The following PLEKHA8 variants were observed in gnomAD, a reference collection of about 807,000 sequenced individuals.
The protein encoded by PLEKHA8 is pleckstrin homology domain-containing family A member 8.
In PLEKHA8, 36 loss-of-function variants were observed where a neutral mutation model predicts 68.2. The observed-to-expected ratio is 0.53, with a 90% CI of 0.40 to 0.70. The LOEUF is 0.70. Ranked by LOEUF, PLEKHA8 falls within the 30% of genes least tolerant of loss-of-function variation. The pLI is 0.00. For missense variants in PLEKHA8, 505 were observed against 615.4 expected, an observed-to-expected ratio of 0.82 and a Z score of 1.90; for synonymous variants, 211 against 216.1, an observed-to-expected ratio of 0.98 and a Z score of 0.20.
chr7:30,112,057 C>T (rs1046069849), intron 13 of PLEKHA8, among the ~76,000 whole-genome samples: 3 of 151,814 alleles, frequency 2.0e-5, no homozygotes, highest in African/African-American at 4.8e-5. Context: ...CAACAGAGGC[C>T]AGAACACAGT....
intron 13 of PLEKHA8, among the ~76,000 whole-genome samples, chr7:30,103,807 G>C (rs1001262357): frequency 5.9e-5 from 9 of 152,148 alleles, no homozygotes; most frequent in Non-Finnish European, 1.3e-4. Flanking sequence ...GAAAATTTCG[G>C]ATAAAGCTCC....
intron 10 of PLEKHA8, 125 bp from the exon 11 acceptor site, chr7:30,061,772 G>A: frequency 2.1e-6 from 2 of 973,108 alleles, no homozygotes; most frequent in Admixed American, 2.5e-5. Flanking sequence ...AAGGAAGAAG[G>A]TAATAGGAGC....
intron 5 of PLEKHA8, 112 bp from the exon 6 acceptor site, chr7:30,050,322 G>GTGT: frequency 5.1e-6 from 7 of 1,366,888 alleles, no homozygotes; most frequent in Non-Finnish European, 5.8e-6. Context: ...AGTGGGGCTA[G>GTGT]TGTATTTTAT....
intron 12 of PLEKHA8, among the ~76,000 whole-genome samples, chr7:30,066,033 A>G (rs1793825756): frequency 6.6e-6 from 1 of 152,246 alleles, no homozygotes; most frequent in Admixed American, 6.5e-5. Flanking sequence ...AGACCTAGTC[A>G]TCTAGACTTA....
chr7:30,083,212 A>G lies in PLEKHA8; in HGVS notation c.*4425A>G, dbSNP rs1795031391. ...CTACACAAACTTCATTATGTATGGT[A>G]AATTTGTATTCTTATGGATTGTATA... On this transcript the variant is annotated 3_prime_UTR_variant, in exon 14 of 14. Coordinates refer to ENST00000449726, the MANE Select transcript of PLEKHA8 (RefSeq NM_001197026.2). The G allele has an allele frequency of 1.0e-6, 1 of 983,642 alleles. No individual in the cohort carries two copies. The highest frequency in any genetic ancestry group is 1.2e-6 in the Non-Finnish European group (1 of 828,434). The allele number at this position is 983,642 out of a possible 1,614,324, so 60.9% of individuals were successfully genotyped here. A position where few individuals can be genotyped will look rare whatever the true frequency, so the allele number is the denominator to read the frequency against.
At chr7:30,052,901 T>TTTA in intron 7 of PLEKHA8, 35 bp downstream of exon 7, 5 of 1,520,634 alleles carry the variant, frequency 3.3e-6, no homozygotes, top group Non-Finnish European at 4.4e-6. Context: ...ACAAACCAAT[T>TTTA]TTAGATGATA....
chr7:30,066,690 G>A (rs1052426302), intron 12 of PLEKHA8, among the ~76,000 whole-genome samples: 1 of 152,152 alleles, frequency 6.6e-6, no homozygotes, highest in African/African-American at 2.4e-5. Flanking sequence ...AGTTGCTCTG[G>A]CATTTCATGC....
In PLEKHA8 at chr7:30,030,296, T is replaced by C. The variant is rs370455803; in HGVS notation, c.40+1494T>C. Among the ~76,000 whole-genome samples, 25 of 152,350 alleles carry C rather than the reference T, an allele frequency of 1.6e-4. No individual in the cohort carries two copies. The East Asian group carries it at 4.6e-3, about 28-fold the overall frequency. On this transcript the variant is annotated intron_variant, in intron 1 of 13. Transcript: ENST00000449726. ...CCATCCCCAACTTTTTTTGTTGTTT[T>C]GTGGGGTTTTTTCCCCCTCTTTTCC...
chr7:30,116,011 T>C (rs981077889), intron 13 of PLEKHA8: 17 of 145,856 alleles, frequency 1.2e-4, no homozygotes, highest in East Asian at 6.1e-4. Flanking sequence ...TACGCATACA[T>C]ACGCATACAT....
Position 30,109,689 on chromosome 7 carries a change from A to T in PLEKHA8, c.1363-19577A>T, listed in dbSNP as rs547155751. On this transcript the variant is annotated intron_variant, in intron 13 of 13. Transcript: ENST00000396257. ...TTTCTTTTTCTTTTTTTTTTTTTTT[A>T]AAGACAGAGTCTCACTTTGTCACCC... Among the ~76,000 whole-genome samples, 86 of 132,714 alleles carry T rather than the reference A, an allele frequency of 6.5e-4. 3 individuals carry two copies. In the South Asian group the frequency reaches 0.013, roughly 20 times the overall value. The allele number at this position is 132,714 out of a possible 152,430, so 87.1% of individuals were successfully genotyped here. A position where few individuals can be genotyped will look rare whatever the true frequency, so the allele number is the denominator to read the frequency against.
rs546039433 is a variant in PLEKHA8 at position 30,103,121 on chromosome 7, A to G, written c.1363-26145A>G. Among the ~76,000 whole-genome samples, 5 of 152,322 alleles carry G rather than the reference A, an allele frequency of 3.3e-5. No individual in the cohort carries two copies. In the South Asian group the frequency reaches 1.0e-3, roughly 32 times the overall value. On this transcript the variant is annotated intron_variant, in intron 13 of 13. Coordinates refer to the PLEKHA8 transcript ENST00000396257. ...TTACCAGGTGCTGGAGGGAGGAAGAATGGGGAATTATCGTATAATGTTTAC... is the reference window on the plus strand; with the variant it reads ...TTACCAGGTGCTGGAGGGAGGAAGAGTGGGGAATTATCGTATAATGTTTAC...
chr7:30,113,073 C>G (rs1796322804), intron 13 of PLEKHA8, among the ~76,000 whole-genome samples: 1 of 152,068 alleles, frequency 6.6e-6, no homozygotes, highest in African/African-American at 2.4e-5. Flanking sequence ...CCTTATGTCC[C>G]TCAAATTCAT....
rs1795057856 is a variant in PLEKHA8, at chr7:30,083,770, G to A, written c.*4983G>A. ...TGTGAGAATGTAAGAATAATATCCT[G>A]CTTGTTCTAAATAGTTCATATATTT... is the stretch of plus-strand genomic sequence containing the variant. On this transcript the variant is annotated 3_prime_UTR_variant, in exon 14 of 14. Transcript: ENST00000449726. 1 of 984,982 alleles carries A rather than the reference G, an allele frequency of 1.0e-6. No individual in the cohort carries two copies. Among genetic ancestry groups the A allele is most frequent in the Admixed American group, 6.1e-5 (1 of 16,266 alleles). 61.0% of individuals were successfully genotyped at this position (984,982 alleles called of 1,614,324 possible).
At chr7:30,115,879 C>CGTAT (rs1562558191) in intron 13 of PLEKHA8, 32 of 143,038 alleles carry the variant, frequency 2.2e-4, no homozygotes, top group African/African-American at 7.2e-4. Context: ...CATGTAGGCA[C>CGTAT]GCATACATGC....
At position 30,062,075 on chromosome 7, in the gene PLEKHA8, A is replaced by G. The variant is rs780910160; in HGVS notation, c.1229+48A>G. 54 of 1,567,092 alleles carry G rather than the reference A, an allele frequency of 3.4e-5. 1 individual carries two copies. The highest frequency in any genetic ancestry group is 6.0e-5 in the Admixed American group (3 of 50,012). On this transcript the variant is annotated intron_variant, in intron 11 of 13. Transcript: ENST00000449726. ...GCAGTTAAAATCTAGCTCAAAAAAAATTACCAGCAAAAAAAATTGTTACAC... is the reference window on the plus strand; with the variant it reads ...GCAGTTAAAATCTAGCTCAAAAAAAGTTACCAGCAAAAAAAATTGTTACAC...
intron 9 of PLEKHA8, among the ~76,000 whole-genome samples, chr7:30,056,752 T>TAA (rs1792995761): frequency 2.6e-4 from 28 of 109,256 alleles, no homozygotes; most frequent in South Asian, 1.9e-3. Context: ...AGTGTGTGTG[T>TAA]GTGTGTGTGT....
chr7:30,059,048 G>T (rs1047650587), intron 9 of PLEKHA8, among the ~76,000 whole-genome samples: 1 of 152,240 alleles, frequency 6.6e-6, no homozygotes, highest in Non-Finnish European at 1.5e-5. Flanking sequence ...ACGAGCCTGG[G>T]ATATCAAGGC....
chr7:30,078,834 T>G lies in PLEKHA8; in HGVS notation c.*47T>G. ...TAACTTCAGGGAATAAGTGCTAAAG[T>G]GTTTTGTTGCCCTACTTAATTTCCA... On this transcript the variant is annotated 3_prime_UTR_variant, in exon 14 of 14. Coordinates refer to ENST00000449726, the MANE Select transcript of PLEKHA8 (RefSeq NM_001197026.2). 2.5e-6 allele frequency: 4 copies of G among 1,581,368 alleles called. No homozygotes were observed. Among genetic ancestry groups the G allele is most frequent in the Non-Finnish European group, 3.4e-6 (4 of 1,162,708 alleles).
intron 13 of PLEKHA8, among the ~76,000 whole-genome samples, chr7:30,098,819 G>A (rs1008933929): frequency 1.3e-5 from 2 of 152,220 alleles, no homozygotes; most frequent in Admixed American, 6.5e-5. Flanking sequence ...CTCACGCATG[G>A]TGCGCTGCAC....
Sources: gnomAD v4.1 joint callset for allele counts (sites outside exome capture counted in the v4.1 genomes callset) on GRCh38, gnomAD v4.1.1 for gene constraint, MANE v1.5 for transcripts, NCBI Gene and HGNC (gene_info 2026-07-23, HGNC 2026-07-21) for gene names.